SV2C: variants seen among roughly 807,000 people sequenced by gnomAD.
SV2C encodes the protein solute carrier family 22 member B3.
SV2C carries 49 observed loss-of-function variants against 79.7 expected under a neutral mutation model. That is an observed-to-expected ratio of 0.61 (90% CI 0.49 to 0.78). The LOEUF (loss-of-function observed/expected upper bound fraction) is 0.78. SV2C is among the 30% of genes least tolerant of loss of function. The probability of loss-of-function intolerance (pLI) is 0.00; values close to 1 mark genes in which losing one functional copy is unlikely to be tolerated. For synonymous variants in SV2C, 334 were observed against 333.2 expected (o/e 1.00, Z -0.03); for missense variants, 833 against 912.9 (o/e 0.91, Z 1.13).
rs1005386299 is a variant in SV2C at position 76,297,334 on chromosome 5, T to C, written c.1502+1392T>C. 2.0e-5 allele frequency among the ~76,000 whole-genome samples: 3 copies of C among 152,298 alleles called. No homozygotes were observed. The East Asian group carries it at 5.8e-4, about 29-fold the overall frequency. ...AGACTAGAAGGAGATAAAGCAGGTG[T>C]ACTTTAGACACAGAATGCTCCTGGA... On this transcript the variant is annotated intron_variant, in intron 9 of 12. Transcript: ENST00000502798.
chr5:76,034,840 G>T, the SV2C span, among the ~76,000 whole-genome samples: 1 of 152,190 alleles, frequency 6.6e-6, no homozygotes, highest in African/African-American at 2.4e-5. Context: ...GTTCCTCCAT[G>T]TACCTCTGGT....
chr5:76,229,869 G>A (rs983113357), intron 4 of SV2C, among the ~76,000 whole-genome samples: 2 of 152,220 alleles, frequency 1.3e-5, no homozygotes, highest in African/African-American at 4.8e-5. Flanking sequence ...GTATGCTGGT[G>A]CAGTCATTCT....
intron 2 of SV2C, among the ~76,000 whole-genome samples, chr5:76,175,416 A>G (rs1743493628): frequency 6.8e-6 from 1 of 146,966 alleles, no homozygotes; most frequent in African/African-American, 2.7e-5. Flanking sequence ...AAGTAGGGGG[A>G]TATATATATA....
the SV2C span, among the ~76,000 whole-genome samples, chr5:75,937,128 A>G: frequency 1.3e-5 from 2 of 152,240 alleles, no homozygotes; most frequent in Admixed American, 6.5e-5. Context: ...ATTGAGAATT[A>G]AAGTGTTTAA....
the SV2C span, among the ~76,000 whole-genome samples, chr5:75,997,952 C>G: frequency 6.6e-6 from 1 of 150,594 alleles, no homozygotes; most frequent in African/African-American, 2.4e-5. Context: ...AAATGTCCAA[C>G]AATGATAGAC....
chr5:76,000,224 C>A, the SV2C span, among the ~76,000 whole-genome samples: 1 of 152,080 alleles, frequency 6.6e-6, no homozygotes. Flanking sequence ...TAACTTCAAC[C>A]AGCAAAGTTT....
chr5:76,202,611 A>G (rs1321275816), intron 3 of SV2C, among the ~76,000 whole-genome samples: 1 of 152,252 alleles, frequency 6.6e-6, no homozygotes, highest in Non-Finnish European at 1.5e-5. Context: ...TCAGAAGGGA[A>G]AGACCTTCCC....
At chr5:75,967,255 G>A in the SV2C span, among the ~76,000 whole-genome samples, 1 of 152,176 alleles carries the variant, frequency 6.6e-6, no homozygotes, top group Non-Finnish European at 1.5e-5. Context: ...TGACACAGAA[G>A]ACGGGTGATT....
At chr5:75,852,691 T>C in the SV2C span, among the ~76,000 whole-genome samples, 1 of 151,982 alleles carries the variant, frequency 6.6e-6, no homozygotes, top group African/African-American at 2.4e-5. Context: ...CTGGGCGTGG[T>C]GGCAGGTGCC....
the SV2C span, among the ~76,000 whole-genome samples, chr5:76,034,460 G>A: frequency 2.6e-5 from 4 of 152,076 alleles, no homozygotes; most frequent in Non-Finnish European, 2.9e-5. Context: ...TAGCATGAAG[G>A]GTTGTTGAAT....
At chr5:76,201,850 C>CTACTAAAAA (rs1166245903) in intron 3 of SV2C, among the ~76,000 whole-genome samples, 1 of 151,852 alleles carries the variant, frequency 6.6e-6, no homozygotes, top group Admixed American at 6.6e-5. Flanking sequence ...AACCCCGTCT[C>CTACTAAAAA]TACTAAAAAT....
intron 12 of SV2C, among the ~76,000 whole-genome samples, chr5:76,321,690 A>G (rs1358846443): frequency 6.6e-6 from 1 of 151,820 alleles, no homozygotes; most frequent in Non-Finnish European, 1.5e-5. Context: ...GCAGTGAGCC[A>G]AGATTCCACC....
chr5:76,150,992 G>T (rs1345556993), intron 2 of SV2C, among the ~76,000 whole-genome samples: 1 of 152,094 alleles, frequency 6.6e-6, no homozygotes, highest in African/African-American at 2.4e-5. Flanking sequence ...CTGTTGTATG[G>T]CAAATACAAA....
At chr5:75,869,122 G>A in the SV2C span, among the ~76,000 whole-genome samples, 2 of 152,012 alleles carry the variant, frequency 1.3e-5, no homozygotes, top group African/African-American at 4.8e-5. Flanking sequence ...GTGGGCTCTT[G>A]GGGTCCCTGA....
chr5:76,296,923 A>C (rs1303945770), intron 9 of SV2C, among the ~76,000 whole-genome samples: 1 of 152,214 alleles, frequency 6.6e-6, no homozygotes, highest in Admixed American at 6.5e-5. Context: ...TTAGCATTTC[A>C]CAGAAAGCTT....
chr5:76,300,315 A>G (rs759511400), intron 10 of SV2C, among the ~76,000 whole-genome samples: 6 of 151,886 alleles, frequency 4.0e-5, no homozygotes, highest in Non-Finnish European at 8.8e-5. Context: ...CACCCAGCCC[A>G]TGCACATTTT....
chr5:75,900,269 A>T, the SV2C span, among the ~76,000 whole-genome samples: 2,512 of 152,154 alleles, frequency 0.017, 36 homozygotes, highest in African/African-American at 0.043. Flanking sequence ...GTGGTGACAA[A>T]ATCTCTCAGC....
intron 9 of SV2C, 51 bp from the exon 10 acceptor site, chr5:76,298,742 CT>C: frequency 6.3e-7 from 1 of 1,592,636 alleles, no homozygotes; most frequent in South Asian, 1.1e-5. Context: ...TAGCTTTGAA[CT>C]TTGATGGACA....
chr5:76,247,694 TCTGTGCA>T (rs1259784882), intron 4 of SV2C, among the ~76,000 whole-genome samples: 2 of 152,112 alleles, frequency 1.3e-5, no homozygotes, highest in Non-Finnish European at 2.9e-5. Flanking sequence ...GGGAAGAAAA[TCTGTGCA>T]CTTGAATTTT....
Sources: allele counts gnomAD v4.1 joint callset (sites outside exome capture counted in the v4.1 genomes callset), GRCh38; gene constraint gnomAD v4.1.1; transcripts MANE v1.5; gene names NCBI Gene and HGNC (gene_info 2026-07-23, HGNC 2026-07-21).